Variants in IGDCC3 observed in about 807,000 individuals in gnomAD.
IGDCC3 encodes the protein putative neuronal cell adhesion molecule.
In IGDCC3, 47 loss-of-function variants were observed where a neutral mutation model predicts 72.0. That is an observed-to-expected ratio of 0.65 (90% confidence interval 0.52 to 0.83). The LOEUF (loss-of-function observed/expected upper bound fraction) is 0.83. Ranked by LOEUF, IGDCC3 falls within the 40% of genes least tolerant of loss-of-function variation. IGDCC3 has a pLI of 0.00. For synonymous variants in IGDCC3, 477 were observed against 472.8 expected, an observed-to-expected ratio of 1.01 and a Z score of -0.11; for missense variants, 1,038 against 1,091.3, an observed-to-expected ratio of 0.95 and a Z score of 0.69.
chr15:65,355,449 C>T (rs867799951), intron 2 of IGDCC3, among the ~76,000 whole-genome samples: 3 of 151,718 alleles, frequency 2.0e-5, no homozygotes, highest in South Asian at 4.1e-4. Flanking sequence ...GCCACCGGAG[C>T]CCCGGTCCAA....
At chr15:65,362,430 A>G (rs2091267409) in intron 2 of IGDCC3, among the ~76,000 whole-genome samples, 1 of 152,110 alleles carries the variant, frequency 6.6e-6, no homozygotes, top group South Asian at 2.1e-4. Flanking sequence ...TATGACTTTC[A>G]GTCTATAATG....
intron 8 of IGDCC3, 83 bp downstream of exon 8, chr15:65,331,329 G>C: frequency 6.4e-7 from 1 of 1,564,288 alleles, no homozygotes; most frequent in Non-Finnish European, 8.7e-7. Context: ...AGGAAAGGGA[G>C]GCATCGGGTC....
chr15:65,338,808 G>T (rs779130532), intron 2 of IGDCC3, among the ~76,000 whole-genome samples: 10 of 152,196 alleles, frequency 6.6e-5, no homozygotes, highest in African/African-American at 2.4e-4. Context: ...CTGTCTTCAT[G>T]AACAGGATCC....
rs780990436 is a variant in IGDCC3 at position 65,328,983 on chromosome 15, C to T, written c.2371G>A (p.Gly791Ser). The stretch of plus-strand genomic sequence containing the variant: ...GAAGCCTGGCCTTCACTGAGGAGGC[C>T]AGGGCCTCCATCTGGGGGTGGTGGG... ...AAPPPPDGGP[G>S]LLSEGQASRP... The change falls in exon 14 of 14, where the codon GGC (glycine) becomes AGC (serine). Residue 791 changes from glycine (G) to serine (S), a missense_variant. By Grantham distance (56) the Gly-to-Ser change is moderately conservative. Coordinates refer to ENST00000327987, the MANE Select transcript of IGDCC3 (RefSeq NM_004884.4). The T allele has an allele frequency of 1.2e-5, 19 of 1,608,218 alleles. No individual in the cohort carries two copies. Among genetic ancestry groups the T allele is most frequent in the African/African-American group, 8.0e-5 (6 of 74,690 alleles).
intron 2 of IGDCC3, 110 bp from the exon 3 acceptor site, chr15:65,336,066 G>A: frequency 8.7e-7 from 1 of 1,151,406 alleles, no homozygotes. Flanking sequence ...ACTCCATCCA[G>A]GGGCAGGAGT....
At chr15:65,356,990 C>T in intron 2 of IGDCC3, among the ~76,000 whole-genome samples, 1 of 151,622 alleles carries the variant, frequency 6.6e-6, no homozygotes, top group East Asian at 1.9e-4. Context: ...GCTGGGATTA[C>T]AGGCAGGCAC....
Position 65,377,698 on chromosome 15 carries a change from C to T in IGDCC3, c.91G>A (p.Ala31Thr), listed in dbSNP as rs746969749. 7.1e-6 allele frequency: 10 copies of T among 1,416,776 alleles called. No individual in the cohort carries two copies. The highest frequency in any genetic ancestry group is 2.7e-5 in the Admixed American group (1 of 36,450). 87.8% of individuals were successfully genotyped at this position (1,416,776 alleles called of 1,614,324 possible). A position where few individuals can be genotyped will look rare whatever the true frequency, so the allele number is the denominator to read the frequency against. The change falls in exon 1 of 14, where the codon GCG (alanine) becomes ACG (threonine). Residue 31 changes from alanine (A) to threonine (T), a missense_variant. Coordinates refer to ENST00000327987, the MANE Select transcript of IGDCC3 (RefSeq NM_004884.4). This position sits in a 1 kb window ranked among gnomAD's most constrained non-coding sequence, Gnocchi z 4.9. ...CGCTTTCACTCACCCTCGCTCGGCGCGGGCAGCAGCAGCAACAGCAGCGGC... is the reference window on the plus strand; with the variant it reads ...CGCTTTCACTCACCCTCGCTCGGCGTGGGCAGCAGCAGCAACAGCAGCGGC... The part of the protein sequence containing the change: ...LLPLLLLLLP[A>T]PSEGLGHSAE...
rs1409365269 is a variant in IGDCC3 at position 65,377,801 on chromosome 15, C to T, written c.-13G>A. 5.0e-6 allele frequency: 6 copies of T among 1,201,606 alleles called. No homozygotes were observed. Among genetic ancestry groups the T allele is most frequent in the Middle Eastern group, 3.3e-4 (1 of 3,038 alleles). The allele number at this position is 1,201,606 out of a possible 1,614,324, so 74.4% of individuals were successfully genotyped here. ...GCTGCACAGCCATGGGGCTCTCGGT[C>T]AGCTCGGCTCGGCGACGCGCGGCTC... On this transcript the variant is annotated 5_prime_UTR_variant, in exon 1 of 14. Transcript: ENST00000327987. This position sits in a 1 kb window ranked among gnomAD's most constrained non-coding sequence, Gnocchi z 4.9.
intron 2 of IGDCC3, chr15:65,373,401 G>C (rs955672723): frequency 6.6e-6 from 1 of 152,438 alleles, no homozygotes; most frequent in Non-Finnish European, 1.5e-5. Flanking sequence ...AGCCAGAAGT[G>C]ATTTGGTCTC....
Position 65,375,176 on chromosome 15 carries a change from C to T in IGDCC3, c.330G>A (p.Ser110=), listed in dbSNP as rs769811625. The T allele has an allele frequency of 1.4e-5, 23 of 1,614,214 alleles. No homozygotes were observed. The highest frequency in any genetic ancestry group is 2.2e-5 in the East Asian group (1 of 44,880). The change falls in exon 2 of 14, where the codon TCG becomes TCA. Residue 110 remains serine, a synonymous_variant. Coordinates refer to ENST00000327987, the MANE Select transcript of IGDCC3 (RefSeq NM_004884.4). The stretch of plus-strand genomic sequence containing the variant: ...CCACACACTCATAGTCACCTTCATC[C>T]GAAGGGCTGCCTCCCGGCTCCAGCC... ...HFRLEPGGSP[S]DEGDYECVAQ...
intron 5 of IGDCC3, among the ~76,000 whole-genome samples, 187 bp from the exon 6 acceptor site, chr15:65,333,602 G>A (rs1043437302): frequency 2.6e-5 from 4 of 152,138 alleles, no homozygotes; most frequent in African/African-American, 9.7e-5. Flanking sequence ...CAGAACCCTC[G>A]CGCCTAGCAG....
intron 2 of IGDCC3, among the ~76,000 whole-genome samples, chr15:65,341,891 A>G (rs1220883006): frequency 1.3e-5 from 2 of 152,130 alleles, no homozygotes; most frequent in Non-Finnish European, 2.9e-5. Context: ...CTCATGCCTC[A>G]GCCTCCCAAG....
intron 2 of IGDCC3, among the ~76,000 whole-genome samples, chr15:65,353,956 A>C (rs569717922): frequency 2.7e-3 from 408 of 152,176 alleles, no homozygotes; most frequent in Non-Finnish European, 4.6e-3. Flanking sequence ...CCCAGGCTGG[A>C]GTGCAGTGGC....
At chr15:65,343,154 C>CT (rs1328381593) in intron 2 of IGDCC3, among the ~76,000 whole-genome samples, 1 of 152,174 alleles carries the variant, frequency 6.6e-6, no homozygotes, top group East Asian at 1.9e-4. Context: ...TCGTAAACTG[C>CT]TTAGCGCAGG....
intron 2 of IGDCC3, among the ~76,000 whole-genome samples, chr15:65,347,532 G>A (rs1038875223): frequency 2.0e-5 from 3 of 152,200 alleles, no homozygotes; most frequent in African/African-American, 7.2e-5. Flanking sequence ...TGGGTGAAAT[G>A]AGGCTGAAAT....
intron 4 of IGDCC3, 114 bp from the exon 5 acceptor site, chr15:65,334,979 G>A (rs1357885902): frequency 2.4e-6 from 3 of 1,256,696 alleles, no homozygotes; most frequent in African/African-American, 1.5e-5. Flanking sequence ...CAGAAACCAG[G>A]TCCTGTGGGC....
Position 65,327,618 on chromosome 15 carries a change from T to C in IGDCC3, c.*1291A>G, listed in dbSNP as rs908956085. On this transcript the variant is annotated 3_prime_UTR_variant, in exon 14 of 14. Coordinates refer to ENST00000327987, the MANE Select transcript of IGDCC3 (RefSeq NM_004884.4). ...TTTCTTTTCTTCTTCTTTAACTAAG[T>C]AGTTCAAAGAACAACACAACAGAAA... is the stretch of plus-strand genomic sequence containing the variant. 1 of 152,530 alleles carries C rather than the reference T, an allele frequency of 6.6e-6. No homozygotes were observed. Among genetic ancestry groups the C allele is most frequent in the Non-Finnish European group, 1.5e-5 (1 of 67,970 alleles). The allele number at this position is 152,530 out of a possible 1,614,324, so 9.4% of individuals were successfully genotyped here.
chr15:65,375,712 T>A (rs907218189), intron 1 of IGDCC3, among the ~76,000 whole-genome samples: 1 of 152,214 alleles, frequency 6.6e-6, no homozygotes, highest in East Asian at 1.9e-4. Context: ...TCACAGTCAG[T>A]AGTTGCAAAA....
chr15:65,329,609 C>A lies in IGDCC3; in HGVS notation c.1998-12G>T, dbSNP rs773862578. The A allele has an allele frequency of 1.2e-6, 2 of 1,613,338 alleles. No individual in the cohort carries two copies. Among genetic ancestry groups the A allele is most frequent in the African/African-American group, 2.7e-5 (2 of 74,864 alleles). On this transcript the variant is annotated splice_polypyrimidine_tract_variant and intron_variant, in intron 12 of 13. Coordinates refer to ENST00000327987, the MANE Select transcript of IGDCC3 (RefSeq NM_004884.4). This position sits in a 1 kb window ranked among gnomAD's most constrained non-coding sequence, Gnocchi z 4.1. ...TACACAGGAGGACCCTAAGGGTTAG[C>A]CAAGAGTTGGGGGGAGGGAGAGAGA...
Sources: allele counts gnomAD v4.1 joint callset (sites outside exome capture counted in the v4.1 genomes callset), GRCh38; gene constraint gnomAD v4.1.1; non-coding constraint Gnocchi (gnomAD v3.1); transcripts MANE v1.5; gene names NCBI Gene and HGNC (gene_info 2026-07-23, HGNC 2026-07-21).